The following ECE1 variants were observed in gnomAD, a reference collection of about 807,000 sequenced individuals.
ECE1 encodes endothelin converting enzyme 1, also known as endothelin-converting enzyme 1.
ECE1 carries 35 observed loss-of-function variants against 98.6 expected under a neutral mutation model. That is an observed-to-expected ratio of 0.35 (90% CI 0.27 to 0.47). The LOEUF (loss-of-function observed/expected upper bound fraction) is 0.47, where lower values mean the gene tolerates loss of function less well. Among genes scored for constraint, ECE1 ranks in the 20% least tolerant of loss-of-function variants. The probability of loss-of-function intolerance (pLI) is 1.00; values close to 1 mark genes in which losing one functional copy is unlikely to be tolerated. For missense variants in ECE1, 814 were observed against 1,025.3 expected (o/e 0.79, Z 2.81); for synonymous variants, 394 against 407.1 (o/e 0.97, Z 0.39).
In ECE1 at chr1:21,219,615, C is replaced by T. The variant is rs1202835067; in HGVS notation, c.*340G>A. On this transcript the variant is annotated 3_prime_UTR_variant, in exon 19 of 19. Coordinates refer to ENST00000374893, the MANE Select transcript of ECE1 (RefSeq NM_001397.3). This position sits in a 1 kb window ranked among gnomAD's most constrained non-coding sequence, Gnocchi z 4.5. ...CCACAGTGTTTAAAAAATAGTTTCC[C>T]CAAAAATATATCTTGAAAGCATTTG... The T allele has an allele frequency of 7.2e-5, 24 of 335,274 alleles. No individual in the cohort carries two copies. Among genetic ancestry groups the T allele is most frequent in the Non-Finnish European group, 1.0e-4 (18 of 176,342 alleles). 20.8% of individuals were successfully genotyped at this position (335,274 alleles called of 1,614,324 possible).
rs1295873616 is a variant in ECE1, at chr1:21,238,231, C to T, written c.1292G>A (p.Arg431His). 1.9e-6 allele frequency: 3 copies of T among 1,614,132 alleles called. No individual in the cohort carries two copies. Among genetic ancestry groups the T allele is most frequent in the East Asian group, 2.2e-5 (1 of 44,886 alleles). Residue 431 changes from arginine to histidine, a missense_variant, in exon 11 of 19, where the codon CGC (arginine) becomes CAC (histidine). Coordinates refer to ENST00000374893, the MANE Select transcript of ECE1 (RefSeq NM_001397.3). ...MYGTKKTCLP[R>H]WKFCVSDTEN... Reference sequence around the variant, plus strand: ...TGTGTCACTCACGCAAAACTTCCAGCGAGGAAGACAGGTCTGGAAAACACA... The same window carrying T: ...TGTGTCACTCACGCAAAACTTCCAGTGAGGAAGACAGGTCTGGAAAACACA...
chr1:21,286,301 T>C (rs2098260466), intron 2 of ECE1, among the ~76,000 whole-genome samples: 1 of 152,174 alleles, frequency 6.6e-6, no homozygotes, highest in Non-Finnish European at 1.5e-5. Context: ...AGCTAGCATA[T>C]TTAGATGTAT....
intron 2 of ECE1, among the ~76,000 whole-genome samples, chr1:21,284,625 C>A (rs1386490494): frequency 6.6e-6 from 1 of 152,218 alleles, no homozygotes; most frequent in Non-Finnish European, 1.5e-5. Flanking sequence ...TAATCCGGGA[C>A]ACATATTTGG....
At position 21,301,920 on chromosome 1, in the gene ECE1, T is replaced by G. The variant is rs139285487; in HGVS notation, c.4-11764A>C. 2.2e-3 allele frequency among the ~76,000 whole-genome samples: 331 copies of G among 148,702 alleles called. 4 individuals are homozygous for G. The South Asian group carries it at 0.038, about 17-fold the overall frequency. On this transcript the variant is annotated intron_variant, in intron 1 of 18. Transcript: ENST00000415912. Reference sequence around the variant, plus strand: ...AGGCCCTCACCACAACCCTGTGTGGTAGGTAGCACTGTTCCCATTTGACAG... The same window carrying G: ...AGGCCCTCACCACAACCCTGTGTGGGAGGTAGCACTGTTCCCATTTGACAG...
Position 21,307,936 on chromosome 1 carries a change from G to T in ECE1, c.4-17780C>A, listed in dbSNP as rs1638634482. On this transcript the variant is annotated intron_variant, in intron 1 of 18. Transcript: ENST00000415912. This position sits in a 1 kb window ranked among gnomAD's most constrained non-coding sequence, Gnocchi z 4.2. ...CAGAAGAGAGGAGGTGCCTGGCTCA[G>T]TTTTGCTGCGATCCCAATGGGTCAC... 6.6e-6 allele frequency among the ~76,000 whole-genome samples: 1 copy of T among 152,144 alleles called. No individual in the cohort carries two copies. The highest frequency in any genetic ancestry group is 1.5e-5 in the Non-Finnish European group (1 of 68,018).
intron 1 of ECE1, among the ~76,000 whole-genome samples, chr1:21,313,501 A>G (rs1638770577): frequency 6.6e-6 from 1 of 152,034 alleles, no homozygotes; most frequent in African/African-American, 2.4e-5. Context: ...GAGTGGTCCC[A>G]GGCCCAGAGC....
At chr1:21,284,019 C>T (rs1341248969) in intron 2 of ECE1, among the ~76,000 whole-genome samples, 4 of 152,188 alleles carry the variant, frequency 2.6e-5, no homozygotes, top group Admixed American at 6.5e-5. Flanking sequence ...ATCAGGAGGC[C>T]TCTCCAGGGC....
chr1:21,283,636 G>A (rs2103348486), intron 2 of ECE1, among the ~76,000 whole-genome samples: 1 of 152,264 alleles, frequency 6.6e-6, no homozygotes, highest in East Asian at 1.9e-4. Flanking sequence ...GGAAGTCGGG[G>A]CATGAAGGCA....
rs1282228931 is a variant in ECE1, at chr1:21,257,475, C to T, written c.828+50G>A. 1.9e-6 allele frequency: 3 copies of T among 1,602,226 alleles called. No homozygotes were observed. In the East Asian group the frequency reaches 6.7e-5, roughly 36 times the overall value. On this transcript the variant is annotated intron_variant, in intron 7 of 18. Coordinates refer to ENST00000374893, the MANE Select transcript of ECE1 (RefSeq NM_001397.3). Reference sequence around the variant, plus strand: ...CACAGGTGTGGGTGTGGACACGGAGCAGGAAGGACCGTGCTGGGAGGCAGG... The same window carrying T: ...CACAGGTGTGGGTGTGGACACGGAGTAGGAAGGACCGTGCTGGGAGGCAGG...
In ECE1 at chr1:21,238,209, GTCAC is replaced by G; in HGVS notation, c.1310_1313del (p.Ser437ThrfsTer26). 1 of 1,614,234 alleles carries G rather than the reference GTCAC, an allele frequency of 6.2e-7. No individual in the cohort carries two copies. Among genetic ancestry groups the G allele is most frequent in the South Asian group, 1.1e-5 (1 of 91,084 alleles). ...ACGCAAAGCCCAGGTTGTTTTCTGTGTCACTCACGCAAAACTTCCAGCGAGGAAG... is the reference window on the plus strand; with the variant it reads ...ACGCAAAGCCCAGGTTGTTTTCTGTGTCACGCAAAACTTCCAGCGAGGAAG... On this transcript the variant is annotated frameshift_variant, in exon 11 of 19. Coordinates refer to ENST00000374893, the MANE Select transcript of ECE1 (RefSeq NM_001397.3). LOFTEE classifies it high-confidence loss of function.
intron 1 of ECE1, among the ~76,000 whole-genome samples, chr1:21,313,797 G>A (rs977602067): frequency 2.6e-5 from 4 of 152,286 alleles, no homozygotes; most frequent in African/African-American, 7.2e-5. Flanking sequence ...GAATTAAGGC[G>A]ATAATCCATG....
At chr1:21,335,394 G>C (rs1639289265) in intron 1 of ECE1, among the ~76,000 whole-genome samples, 1 of 152,198 alleles carries the variant, frequency 6.6e-6, no homozygotes, top group Non-Finnish European at 1.5e-5. Context: ...GCTCCTTAGG[G>C]GCAGGCATGT....
At position 21,219,636 on chromosome 1, in the gene ECE1, A is replaced by G; in HGVS notation, c.*319T>C. ...TTCCCCAAAAATATATCTTGAAAGC[A>G]TTTGACACAGTGGTATTTGTGGCGT... is the stretch of plus-strand genomic sequence containing the variant. On this transcript the variant is annotated 3_prime_UTR_variant, in exon 19 of 19. Coordinates refer to ENST00000374893, the MANE Select transcript of ECE1 (RefSeq NM_001397.3). The surrounding 1 kb of genome is among the most constrained non-coding windows in gnomAD (Gnocchi z 4.5). 1 of 412,890 alleles carries G rather than the reference A, an allele frequency of 2.4e-6. No homozygotes were observed. Among genetic ancestry groups the G allele is most frequent in the Non-Finnish European group, 4.5e-6 (1 of 222,570 alleles). 25.6% of individuals were successfully genotyped at this position (412,890 alleles called of 1,614,324 possible).
chr1:21,263,173 G>A (rs2236847), intron 4 of ECE1, among the ~76,000 whole-genome samples: 43,799 of 151,770 alleles, frequency 0.29, 6,771 homozygotes, highest in East Asian at 0.47. Flanking sequence ...CTGCCCCTCC[G>A]CCATTCCATG....
intron 3 of ECE1, among the ~76,000 whole-genome samples, chr1:21,277,665 C>T (rs937086035): frequency 5.9e-5 from 9 of 152,200 alleles, no homozygotes; most frequent in Middle Eastern, 3.2e-3. Context: ...CCTACCCCTT[C>T]GTTCATTCAA....
chr1:21,314,923 A>G (rs532184975), intron 1 of ECE1, among the ~76,000 whole-genome samples: 25 of 152,166 alleles, frequency 1.6e-4, no homozygotes, highest in Non-Finnish European at 3.4e-4. Context: ...GAGAACTCCT[A>G]TTCACCCTCC....
chr1:21,304,822 A>C (rs537680542), intron 1 of ECE1, among the ~76,000 whole-genome samples: 2 of 152,322 alleles, frequency 1.3e-5, no homozygotes, highest in East Asian at 3.9e-4. Flanking sequence ...AAGAAAAAAA[A>C]ATGGAAAACT....
At position 21,300,896 on chromosome 1, in the gene ECE1, T is replaced by C. The variant is rs1196371689; in HGVS notation, c.4-10740A>G. Among the ~76,000 whole-genome samples the C allele has an allele frequency of 3.9e-5, 6 of 152,020 alleles. No homozygotes were observed. In the East Asian group the frequency reaches 1.2e-3, roughly 29 times the overall value. ...CTGTTTCCTAGGAGTACAATGAAAA[T>C]ATAAGGTGCTTTGTATAGTGCCTGG... On this transcript the variant is annotated intron_variant, in intron 1 of 18. Transcript: ENST00000415912.
At chr1:21,334,881 C>T (rs1172297151) in intron 1 of ECE1, among the ~76,000 whole-genome samples, 4 of 152,024 alleles carry the variant, frequency 2.6e-5, no homozygotes, top group Non-Finnish European at 5.9e-5. Context: ...CGCGCTCCTG[C>T]CTCCCTCCTG....
Sources: allele counts gnomAD v4.1 joint callset (sites outside exome capture counted in the v4.1 genomes callset), GRCh38; gene constraint gnomAD v4.1.1; non-coding constraint Gnocchi (gnomAD v3.1); transcripts MANE v1.5; gene names NCBI Gene and HGNC (gene_info 2026-07-23, HGNC 2026-07-21).